The following NHERF2 variants were observed in gnomAD, a reference collection of about 807,000 sequenced individuals.
The protein encoded by NHERF2 is NHERF family PDZ scaffold protein 2.
At chr16:2,029,392 G>A in the NHERF2 span, 65,462 of 601,690 alleles carry the variant, frequency 0.11, 4,559 homozygotes, top group African/African-American at 0.25. Context: ...TCCGGAGCCT[G>A]AGTGCAGAGG....
At chr16:2,037,064 C>T in the NHERF2 span, 8 of 1,521,638 alleles carry the variant, frequency 5.3e-6, no homozygotes, top group South Asian at 8.4e-5. Flanking sequence ...GACAGAGGCC[C>T]CCTTCTCCCT....
the NHERF2 span, chr16:2,036,352 G>GC: frequency 1.2e-6 from 2 of 1,610,594 alleles, no homozygotes; most frequent in Non-Finnish European, 1.7e-6. Context: ...AGGGAGCTGC[G>GC]CCCTCGGCTC....
the NHERF2 span, among the ~76,000 whole-genome samples, chr16:2,028,622 G>T: frequency 6.6e-6 from 1 of 152,166 alleles, no homozygotes; most frequent in Non-Finnish European, 1.5e-5. Flanking sequence ...GGTTCCTCTT[G>T]TCTCACTCTG....
the NHERF2 span, chr16:2,027,092 G>C: frequency 6.8e-7 from 1 of 1,460,078 alleles, no homozygotes; most frequent in Non-Finnish European, 9.0e-7. Context: ...ACGGCGAGAA[G>C]GGCCGCCGCG....
At chr16:2,032,970 C>T in the NHERF2 span, 1 of 1,103,910 alleles carries the variant, frequency 9.1e-7, no homozygotes, top group Non-Finnish European at 1.1e-6. The surrounding 1 kb of genome is among the most constrained non-coding windows in gnomAD (Gnocchi z 4.0). Flanking sequence ...GGGCGCGGTG[C>T]CTGCGGGGGC....
the NHERF2 span, chr16:2,027,143 G>C: frequency 6.8e-7 from 1 of 1,475,418 alleles, no homozygotes; most frequent in Middle Eastern, 2.3e-4. Flanking sequence ...CCCCCGCCGA[G>C]GCCGCCGCGC....
the NHERF2 span, chr16:2,035,999 G>A: frequency 1.1e-4 from 36 of 329,610 alleles, no homozygotes; most frequent in Admixed American, 5.4e-4. Flanking sequence ...GGAGGCCAAC[G>A]GCGACAGTTC....
chr16:2,033,020 C>A, the NHERF2 span: 1 of 1,208,816 alleles, frequency 8.3e-7, no homozygotes, highest in Non-Finnish European at 1.0e-6. Context: ...GGAGCCTCAA[C>A]AGGACCGTCC....
At chr16:2,038,004 G>A in the NHERF2 span, 11 of 1,612,438 alleles carry the variant, frequency 6.8e-6, no homozygotes, top group East Asian at 2.2e-5. Context: ...TGCCTGTCTC[G>A]GGACCCTGGG....
the NHERF2 span, chr16:2,036,852 G>A: frequency 4.2e-5 from 68 of 1,611,948 alleles, no homozygotes; most frequent in African/African-American, 1.3e-4. Flanking sequence ...AAGCGGCTTC[G>A]GGTCACACCC....
At chr16:2,036,515 CCAGGG>C in the NHERF2 span, 3 of 1,572,958 alleles carry the variant, frequency 1.9e-6, no homozygotes, top group Non-Finnish European at 2.6e-6. Flanking sequence ...TACCGGCCCA[CCAGGG>C]CTGCGGGGTG....
At chr16:2,031,537 C>A in the NHERF2 span, among the ~76,000 whole-genome samples, 1 of 152,174 alleles carries the variant, frequency 6.6e-6, no homozygotes, top group African/African-American at 2.4e-5. Context: ...TGGGACCTTC[C>A]CCCTCTGCTA....
At chr16:2,032,263 G>A in the NHERF2 span, among the ~76,000 whole-genome samples, 1 of 152,004 alleles carries the variant, frequency 6.6e-6, no homozygotes, top group Admixed American at 6.6e-5. This position sits in a 1 kb window ranked among gnomAD's most constrained non-coding sequence, Gnocchi z 4.0. Context: ...CAAGTGATCC[G>A]CCTGCCTCAG....
At chr16:2,036,115 T>G in the NHERF2 span, 1 of 527,402 alleles carries the variant, frequency 1.9e-6, no homozygotes, top group Non-Finnish European at 3.3e-6. Context: ...TCGGGGAGGC[T>G]TCTGGGTTTG....
chr16:2,034,240 G>T, the NHERF2 span, among the ~76,000 whole-genome samples: 2 of 152,192 alleles, frequency 1.3e-5, no homozygotes, highest in African/African-American at 4.8e-5. Flanking sequence ...TGTGTGATGT[G>T]TCTTTGCGGA....
chr16:2,037,813 G>A, the NHERF2 span: 261 of 1,576,494 alleles, frequency 1.7e-4, 1 homozygote, highest in East Asian at 1.6e-3. Context: ...CCCACCCACC[G>A]TGCTCACCCC....
chr16:2,038,417 C>T, the NHERF2 span: 1 of 309,756 alleles, frequency 3.2e-6, no homozygotes, highest in Non-Finnish European at 6.3e-6. Flanking sequence ...CCCTTCCCCT[C>T]CCCCTTCCCC....
the NHERF2 span, chr16:2,035,454 G>C: frequency 2.0e-6 from 2 of 985,862 alleles, no homozygotes; most frequent in Non-Finnish European, 1.2e-6. Context: ...TGAGGGAAGG[G>C]CCCTGGCAGC....
chr16:2,033,013 G>A, the NHERF2 span: 1 of 1,178,404 alleles, frequency 8.5e-7, no homozygotes, highest in African/African-American at 1.6e-5. Context: ...CTCCTCTGGA[G>A]CCTCAACAGG....
Sources: allele counts gnomAD v4.1 joint callset (sites outside exome capture counted in the v4.1 genomes callset), GRCh38; gene constraint gnomAD v4.1.1; non-coding constraint Gnocchi (gnomAD v3.1); transcripts MANE v1.5; gene names NCBI Gene and HGNC (gene_info 2026-07-23, HGNC 2026-07-21).